The following WDR27 variants were observed in gnomAD, a reference collection of about 807,000 sequenced individuals.
The protein encoded by WDR27 is WD repeat-containing protein 27.
A neutral mutation model predicts 114.4 loss-of-function variants in WDR27; 100 were observed. The ratio of observed to expected loss-of-function variants is 0.87; its 90% confidence interval spans 0.74 to 1.03. WDR27 has a LOEUF of 1.03. Among genes scored for constraint, WDR27 ranks in the 50% least tolerant of loss-of-function variants. The pLI, the probability that WDR27 is intolerant of heterozygous loss-of-function variation, is 0.00. For synonymous variants in WDR27, 449 were observed against 423.1 expected (o/e 1.06, Z -0.75); for missense variants, 1,129 against 1,092.9 (o/e 1.03, Z -0.47).
downstream of WDR27, among the ~76,000 whole-genome samples, chr6:169,455,438 AC>A (rs1481500219): frequency 6.6e-6 from 1 of 152,212 alleles, no homozygotes; most frequent in Non-Finnish European, 1.5e-5. Context: ...AGAGCAACCA[AC>A]CAGTTTTACG....
At chr6:169,487,829 GGTTAATA>G in intron 25 of WDR27, among the ~76,000 whole-genome samples, 1 of 152,226 alleles carries the variant, frequency 6.6e-6, no homozygotes. Context: ...CTTCAGTCAT[GGTTAATA>G]GTTTGGAGTT....
At chr6:169,477,881 A>G (rs1787402134) in intron 25 of WDR27, among the ~76,000 whole-genome samples, 1 of 152,248 alleles carries the variant, frequency 6.6e-6, no homozygotes, top group African/African-American at 2.4e-5. Context: ...AATAGATAAA[A>G]ATTAGAGCCA....
rs1825212378 is a variant in WDR27, at chr6:169,659,168, C to T, written c.1237G>A (p.Ala413Thr). The T allele has an allele frequency of 1.2e-6, 2 of 1,611,356 alleles. No homozygotes were observed. Among genetic ancestry groups the T allele is most frequent in the Non-Finnish European group, 1.7e-6 (2 of 1,178,640 alleles). Reference sequence around the variant, plus strand: ...GCGGCCGGGTTGATCTCCAACACGGCAATCTTCCCGCCAAAGAGGGAGGCC... The same window carrying T: ...GCGGCCGGGTTGATCTCCAACACGGTAATCTTCCCGCCAAAGAGGGAGGCC... ...LLASLFGGKI[A>T]VLEINPAALV... is the part of the protein sequence containing the mutation. Residue 413 changes from alanine to threonine, a missense_variant, in exon 12 of 26, where the codon GCC becomes ACC. Physicochemically the swap from Ala to Thr is moderately conservative, Grantham distance 58. Coordinates refer to ENST00000448612, the MANE Select transcript of WDR27 (RefSeq NM_182552.5). This position sits in a 1 kb window ranked among gnomAD's most constrained non-coding sequence, Gnocchi z 4.3.
intron 25 of WDR27, among the ~76,000 whole-genome samples, chr6:169,459,551 A>G (rs933245081): frequency 6.6e-6 from 1 of 151,672 alleles, no homozygotes; most frequent in African/African-American, 2.4e-5. Context: ...ATACATTTAT[A>G]TATGTATATA....
intron 1 of WDR27, among the ~76,000 whole-genome samples, chr6:169,696,662 C>A (rs1230935585): frequency 6.6e-6 from 1 of 152,236 alleles, no homozygotes; most frequent in Admixed American, 6.5e-5. Context: ...CGCCTGTATT[C>A]CCAGCACTTT....
At chr6:169,537,055 A>G (rs1166110956) in intron 25 of WDR27, among the ~76,000 whole-genome samples, 1 of 152,200 alleles carries the variant, frequency 6.6e-6, no homozygotes, top group East Asian at 1.9e-4. Flanking sequence ...AGCAAACATC[A>G]TGACTCTATT....
At chr6:169,690,539 T>C (rs1784214900) in intron 1 of WDR27, among the ~76,000 whole-genome samples, 1 of 152,068 alleles carries the variant, frequency 6.6e-6, no homozygotes, top group Non-Finnish European at 1.5e-5. Context: ...CTGGCTCCCA[T>C]CCCTGCCCCC....
intron 21 of WDR27, among the ~76,000 whole-genome samples, chr6:169,628,356 C>T (rs1815398409): frequency 6.6e-6 from 1 of 152,150 alleles, no homozygotes; most frequent in Admixed American, 6.5e-5. Flanking sequence ...GCAGCCCCAA[C>T]AGACTGAGAC....
chr6:169,540,969 C>CCATT (rs1796769687), intron 25 of WDR27, among the ~76,000 whole-genome samples: 1 of 152,136 alleles, frequency 6.6e-6, no homozygotes, highest in Non-Finnish European at 1.5e-5. Flanking sequence ...GACATGAACA[C>CCATT]CATTTCTCTG....
At chr6:169,681,329 C>T (rs778107028) in intron 2 of WDR27, among the ~76,000 whole-genome samples, 13 of 152,152 alleles carry the variant, frequency 8.5e-5, no homozygotes, top group Non-Finnish European at 1.6e-4. Context: ...TCATATCTCC[C>T]GACAATAACA....
rs532704469 is a variant in WDR27, at chr6:169,550,405, G to C, written c.2645+22014C>G. Among the ~76,000 whole-genome samples, 9 of 152,044 alleles carry C rather than the reference G, an allele frequency of 5.9e-5. No individual in the cohort carries two copies. The East Asian group carries it at 1.7e-3, about 29-fold the overall frequency. ...ATTCTGAGTTATTTTTATTGTTATT[G>C]TATTTTATATTATTTATTTATTTAT... On this transcript the variant is annotated intron_variant, in intron 25 of 25. Transcript: ENST00000448612.
intron 2 of WDR27, among the ~76,000 whole-genome samples, chr6:169,678,861 T>C (rs1338530044): frequency 2.6e-5 from 4 of 152,252 alleles, no homozygotes; most frequent in African/African-American, 4.8e-5. Flanking sequence ...CTTTTCCCTT[T>C]GTTTTCCTTC....
intron 23 of WDR27, among the ~76,000 whole-genome samples, chr6:169,597,624 T>C (rs967710784): frequency 5.3e-5 from 8 of 152,118 alleles, no homozygotes; most frequent in Admixed American, 5.2e-4. Flanking sequence ...ACCTCTAATA[T>C]TCATAGCCTC....
intron 25 of WDR27, among the ~76,000 whole-genome samples, chr6:169,485,043 T>C (rs1232173166): frequency 1.3e-5 from 2 of 152,134 alleles, no homozygotes; most frequent in Non-Finnish European, 2.9e-5. Flanking sequence ...AAAACTTAAA[T>C]GTAAAACCCA....
chr6:169,529,344 A>T (rs1383315070), intron 25 of WDR27, among the ~76,000 whole-genome samples: 2 of 143,730 alleles, frequency 1.4e-5, no homozygotes, highest in African/African-American at 5.0e-5. Context: ...CTAATAAGCT[A>T]TTGTGTTTTT....
chr6:169,515,752 C>T (rs1232434979), intron 25 of WDR27, among the ~76,000 whole-genome samples: 1 of 149,956 alleles, frequency 6.7e-6, no homozygotes, highest in Non-Finnish European at 1.5e-5. Context: ...TTATTATATA[C>T]TTAACTATTA....
At chr6:169,670,769 A>T in intron 3 of WDR27, 76 bp from the exon 4 acceptor site, 1 of 1,544,262 alleles carries the variant, frequency 6.5e-7, no homozygotes. Context: ...AAGTACTGAG[A>T]ATGTAACCCT....
chr6:169,427,905 A>G, the WDR27 span, among the ~76,000 whole-genome samples: 1 of 152,012 alleles, frequency 6.6e-6, no homozygotes, highest in Admixed American at 6.5e-5. Context: ...ATAAGGAAGC[A>G]AAGAGTCGTA....
In WDR27 at chr6:169,513,987, G is replaced by A. The variant is rs373292754; in HGVS notation, c.2646-56353C>T. Among the ~76,000 whole-genome samples the A allele has an allele frequency of 3.9e-5, 6 of 152,188 alleles. No individual in the cohort carries two copies. The East Asian group carries it at 7.7e-4, about 20-fold the overall frequency. Reference sequence around the variant, plus strand: ...GCTTTAGCTCTTATCTCAGAACTGCGGGACATACAATTAGAGCAAAAGGGA... The same window carrying A: ...GCTTTAGCTCTTATCTCAGAACTGCAGGACATACAATTAGAGCAAAAGGGA... On this transcript the variant is annotated intron_variant, in intron 25 of 25. Transcript: ENST00000448612.
Sources: gnomAD v4.1 joint callset for allele counts (sites outside exome capture counted in the v4.1 genomes callset) on GRCh38, gnomAD v4.1.1 for gene constraint, Gnocchi (gnomAD v3.1) non-coding constraint, MANE v1.5 for transcripts, NCBI Gene and HGNC (gene_info 2026-07-23, HGNC 2026-07-21) for gene names.